Variants in HS3ST1 observed in about 807,000 individuals in gnomAD.
HS3ST1 encodes the protein heparan sulfate glucosamine 3-O-sulfotransferase 1.
HS3ST1 carries 8 observed loss-of-function variants against 20.7 expected under a neutral mutation model. That is an observed-to-expected ratio of 0.39 (90% CI 0.23 to 0.70). The LOEUF (loss-of-function observed/expected upper bound fraction) is 0.70, where lower values mean the gene tolerates loss of function less well. Among genes scored for constraint, HS3ST1 ranks in the 30% least tolerant of loss-of-function variants. The pLI, the probability that HS3ST1 is intolerant of heterozygous loss-of-function variation, is 0.46. For missense variants in HS3ST1, 436 were observed against 423.4 expected (o/e 1.03, Z -0.26); for synonymous variants, 205 against 190.4 (o/e 1.08, Z -0.63).
At chr4:11,408,036 A>G (rs574265868) in intron 1 of HS3ST1, among the ~76,000 whole-genome samples, 3 of 152,266 alleles carry the variant, frequency 2.0e-5, no homozygotes, top group African/African-American at 7.2e-5. Flanking sequence ...AGGACTGAAA[A>G]CAATTGTGGT....
At chr4:11,428,041 C>G (rs924882820) in intron 1 of HS3ST1, among the ~76,000 whole-genome samples, 1 of 152,122 alleles carries the variant, frequency 6.6e-6, no homozygotes, top group Non-Finnish European at 1.5e-5. Context: ...TGCCACTACC[C>G]AAGGGCCCGG....
intron 1 of HS3ST1, among the ~76,000 whole-genome samples, chr4:11,423,608 A>G (rs140811073): frequency 2.6e-4 from 40 of 152,292 alleles, no homozygotes; most frequent in African/African-American, 9.6e-4. Context: ...GAGGACTTCC[A>G]TCTGTTTTGT....
upstream of HS3ST1, among the ~76,000 whole-genome samples, chr4:11,431,652 C>T (rs552285967): frequency 1.6e-3 from 243 of 152,260 alleles, no homozygotes; most frequent in Middle Eastern, 6.8e-3. Flanking sequence ...TGAGTTAACA[C>T]AGTTGTAAAC....
At chr4:11,425,719 C>T (rs1011340464) in intron 1 of HS3ST1, among the ~76,000 whole-genome samples, 5 of 152,136 alleles carry the variant, frequency 3.3e-5, no homozygotes, top group South Asian at 2.1e-4. Context: ...GTTCTCCAAT[C>T]GGCAAGATGC....
chr4:11,404,485 GAGAT>G (rs1284705114), intron 1 of HS3ST1, among the ~76,000 whole-genome samples: 1 of 152,236 alleles, frequency 6.6e-6, no homozygotes, highest in Non-Finnish European at 1.5e-5. Flanking sequence ...AGAGAGCACA[GAGAT>G]AGATAGCACT....
At chr4:11,434,143 G>T (rs1380345769), upstream of HS3ST1, among the ~76,000 whole-genome samples, 2 of 152,212 alleles carry the variant, frequency 1.3e-5, no homozygotes, top group Non-Finnish European at 2.9e-5. Context: ...CAATGGTAGA[G>T]TTCTCTTTCC....
At chr4:11,411,962 C>T (rs1355445593) in intron 1 of HS3ST1, among the ~76,000 whole-genome samples, 3 of 152,098 alleles carry the variant, frequency 2.0e-5, no homozygotes, top group Non-Finnish European at 2.9e-5. Context: ...ATGGTAACAG[C>T]ACCAACCTCA....
At chr4:11,421,470 G>A (rs1718933296) in intron 1 of HS3ST1, among the ~76,000 whole-genome samples, 5 of 152,208 alleles carry the variant, frequency 3.3e-5, no homozygotes, top group Admixed American at 1.3e-4. Context: ...ACACAAGTAT[G>A]TATTTTTCGG....
At chr4:11,427,992 C>T (rs1023765628) in intron 1 of HS3ST1, among the ~76,000 whole-genome samples, 1 of 152,216 alleles carries the variant, frequency 6.6e-6, no homozygotes, top group South Asian at 2.1e-4. Flanking sequence ...GGCGTTCCAA[C>T]CGCGGGTTCG....
chr4:11,420,737 G>T (rs1718911344), intron 1 of HS3ST1, among the ~76,000 whole-genome samples: 1 of 152,098 alleles, frequency 6.6e-6, no homozygotes, highest in Admixed American at 6.5e-5. Context: ...ACTTCTTTTG[G>T]TCCTTTTAAG....
At chr4:11,424,644 G>C (rs180804972) in intron 1 of HS3ST1, among the ~76,000 whole-genome samples, 12 of 152,260 alleles carry the variant, frequency 7.9e-5, no homozygotes, top group Admixed American at 3.9e-4. Context: ...CATCAAGATG[G>C]TGTTGCAGAA....
chr4:11,426,379 TCA>T (rs1719060947), intron 1 of HS3ST1, among the ~76,000 whole-genome samples: 1 of 131,674 alleles, frequency 7.6e-6, no homozygotes, highest in African/African-American at 3.1e-5. Context: ...CCCCCAACCC[TCA>T]CAAGATTTTT....
chr4:11,409,469 AT>A (rs1164927138), intron 1 of HS3ST1, among the ~76,000 whole-genome samples: 1 of 152,136 alleles, frequency 6.6e-6, no homozygotes, highest in East Asian at 1.9e-4. Flanking sequence ...TGGTGTCCTT[AT>A]AAGAAGAGGA....
chr4:11,427,308 C>G (rs568799537), intron 1 of HS3ST1, among the ~76,000 whole-genome samples: 77 of 152,314 alleles, frequency 5.1e-4, no homozygotes, highest in African/African-American at 1.8e-3. Flanking sequence ...GGACCCTCTT[C>G]CGGGGCTACT....
upstream of HS3ST1, chr4:11,429,152 G>C (rs558197149): frequency 9.2e-5 from 14 of 152,522 alleles, no homozygotes; most frequent in African/African-American, 3.1e-4. Context: ...GCGGCTGGTC[G>C]GGTAGTAGTC....
chr4:11,413,905 GT>G (rs1261160611), intron 1 of HS3ST1: 1 of 152,116 alleles, frequency 6.6e-6, no homozygotes, highest in Admixed American at 6.5e-5. Context: ...AAAAAACCAT[GT>G]GAACATGAGT....
In HS3ST1 at chr4:11,393,238, A is replaced by C. The variant is rs1718049176; in HGVS notation, c.*5844T>G. 1 of 152,252 alleles carries C rather than the reference A, an allele frequency of 6.6e-6. No homozygotes were observed. The highest frequency in any genetic ancestry group is 2.4e-5 in the African/African-American group (1 of 41,466). The allele number at this position is 152,252 out of a possible 1,614,324, so 9.4% of individuals were successfully genotyped here. A position where few individuals can be genotyped will look rare whatever the true frequency, so the allele number is the denominator to read the frequency against. On this transcript the variant is annotated 3_prime_UTR_variant, in exon 2 of 2. Transcript: ENST00000002596. ...CAATACCTTCATATTTGTTGGGCCCAGAATTGTTTTATGAAGTTGAAATTT... is the reference window on the plus strand; with the variant it reads ...CAATACCTTCATATTTGTTGGGCCCCGAATTGTTTTATGAAGTTGAAATTT...
chr4:11,402,607 G>A (rs190624750), intron 1 of HS3ST1, among the ~76,000 whole-genome samples: 2 of 152,286 alleles, frequency 1.3e-5, no homozygotes, highest in East Asian at 3.9e-4. Context: ...AGGTATAACA[G>A]GTAGGTCAAG....
intron 1 of HS3ST1, among the ~76,000 whole-genome samples, chr4:11,402,217 A>G (rs1160978323): frequency 6.6e-6 from 1 of 152,236 alleles, no homozygotes; most frequent in African/African-American, 2.4e-5. Flanking sequence ...TTTGAAAAAC[A>G]TATTAAAGAG....
Sources: allele counts gnomAD v4.1 joint callset (sites outside exome capture counted in the v4.1 genomes callset), GRCh38; gene constraint gnomAD v4.1.1; transcripts MANE v1.5; gene names NCBI Gene and HGNC (gene_info 2026-07-23, HGNC 2026-07-21).